The following SPOCK3 variants were observed in gnomAD, a reference collection of about 807,000 sequenced individuals.
SPOCK3 encodes SPARC (osteonectin), cwcv and kazal like domains proteoglycan 3, also known as testican-3.
Under a neutral mutation model 56.6 loss-of-function variants are expected in SPOCK3, and 30 were observed. The ratio of observed to expected loss-of-function variants is 0.53; its 90% CI spans 0.40 to 0.72. SPOCK3 has a LOEUF of 0.72. SPOCK3 is among the 30% of genes least tolerant of loss of function. The pLI is 0.00. For synonymous variants in SPOCK3, 196 were observed against 183.3 expected (o/e 1.07, Z -0.56); for missense variants, 527 against 530.0 (o/e 0.99, Z 0.06).
chr4:166,765,259 C>T lies in SPOCK3; in HGVS notation c.710-10530G>A, dbSNP rs1737843830. Among the ~76,000 whole-genome samples, 5 of 152,154 alleles carry T rather than the reference C, an allele frequency of 3.3e-5. No homozygotes were observed. In the South Asian group the frequency reaches 1.0e-3, roughly 32 times the overall value. On this transcript the variant is annotated intron_variant, in intron 7 of 10. Coordinates refer to ENST00000357545, the MANE Select transcript of SPOCK3 (RefSeq NM_001040159.2). ...TGGTGTTTTAGACATGAAGTCCTTG[C>T]CCATGCCTATGTCCTGAATGGTATT... is the stretch of plus-strand genomic sequence containing the variant.
chr4:167,063,728 T>C (rs1177074200), intron 2 of SPOCK3, among the ~76,000 whole-genome samples: 1 of 151,894 alleles, frequency 6.6e-6, no homozygotes, highest in Non-Finnish European at 1.5e-5. Context: ...TCTATGTCAA[T>C]GTGTACACAT....
intron 2 of SPOCK3, among the ~76,000 whole-genome samples, chr4:167,133,503 A>G (rs1284970776): frequency 2.0e-5 from 3 of 152,234 alleles, no homozygotes; most frequent in Non-Finnish European, 4.4e-5. Flanking sequence ...TGCACTGTCC[A>G]GCATTCTTTT....
intron 6 of SPOCK3, among the ~76,000 whole-genome samples, chr4:166,807,110 A>C (rs1469700999): frequency 2.6e-5 from 4 of 152,074 alleles, no homozygotes; most frequent in Admixed American, 2.6e-4. Context: ...CTTTATAGTT[A>C]TATCAGATAA....
intron 2 of SPOCK3, among the ~76,000 whole-genome samples, chr4:167,132,152 G>T (rs982995776): frequency 6.6e-6 from 1 of 152,128 alleles, no homozygotes; most frequent in African/African-American, 2.4e-5. Flanking sequence ...TAGGATAAAT[G>T]ATGTCATATC....
At chr4:167,202,773 T>A (rs1476055235) in intron 2 of SPOCK3, among the ~76,000 whole-genome samples, 2 of 151,394 alleles carry the variant, frequency 1.3e-5, no homozygotes, top group African/African-American at 4.8e-5. Context: ...AAAAAAACTA[T>A]GGAGATTGCT....
At chr4:167,154,487 G>T (rs934001624) in intron 2 of SPOCK3, among the ~76,000 whole-genome samples, 1 of 152,078 alleles carries the variant, frequency 6.6e-6, no homozygotes, top group Non-Finnish European at 1.5e-5. Context: ...ATAGCTGGCT[G>T]CAATGCTAAA....
At chr4:166,768,390 G>GA (rs753144778) in intron 7 of SPOCK3, among the ~76,000 whole-genome samples, 1 of 152,136 alleles carries the variant, frequency 6.6e-6, no homozygotes, top group African/African-American at 2.4e-5. Flanking sequence ...CTGGTGGTGA[G>GA]AAAATCCCTC....
chr4:167,192,035 G>T (rs1475881315), intron 2 of SPOCK3, among the ~76,000 whole-genome samples: 3 of 145,398 alleles, frequency 2.1e-5, no homozygotes, highest in Non-Finnish European at 4.5e-5. Context: ...TTATTGAGAT[G>T]ATCATTTGAT....
At chr4:166,740,399 A>G (rs1734704591) in intron 9 of SPOCK3, among the ~76,000 whole-genome samples, 1 of 151,848 alleles carries the variant, frequency 6.6e-6, no homozygotes, top group Non-Finnish European at 1.5e-5. Context: ...TACTAATAGA[A>G]TTTAAGTAGA....
chr4:166,856,228 C>T (rs963060581), intron 6 of SPOCK3, among the ~76,000 whole-genome samples: 1 of 151,474 alleles, frequency 6.6e-6, no homozygotes, highest in African/African-American at 2.4e-5. Flanking sequence ...GGCCAATGGG[C>T]ACAAAGTTTC....
chr4:166,743,906 A>AG (rs1048259022), intron 8 of SPOCK3, among the ~76,000 whole-genome samples: 2 of 152,060 alleles, frequency 1.3e-5, no homozygotes, highest in African/African-American at 4.8e-5. Flanking sequence ...AGACTGGGGG[A>AG]GGGGGGTCCA....
At chr4:166,864,065 T>A (rs543367039) in intron 6 of SPOCK3, among the ~76,000 whole-genome samples, 16 of 151,724 alleles carry the variant, frequency 1.1e-4, no homozygotes, top group Non-Finnish European at 1.9e-4. Context: ...TGCAAAAGAA[T>A]GGAAATTGTA....
chr4:167,234,756 G>A (rs1737554526), upstream of SPOCK3: 1 of 158,684 alleles, frequency 6.3e-6, no homozygotes, highest in South Asian at 1.9e-4. Context: ...GGAGCCAGAG[G>A]ACGAGGTAGC....
intron 2 of SPOCK3, among the ~76,000 whole-genome samples, chr4:167,095,369 A>G (rs1307417803): frequency 6.6e-6 from 1 of 152,112 alleles, no homozygotes; most frequent in Non-Finnish European, 1.5e-5. Context: ...GTCATCAAAG[A>G]TAATTCTAAA....
intron 2 of SPOCK3, among the ~76,000 whole-genome samples, chr4:167,077,756 G>T (rs1047952632): frequency 6.6e-6 from 1 of 151,408 alleles, no homozygotes; most frequent in Non-Finnish European, 1.5e-5. Flanking sequence ...TATTACTATT[G>T]GTAACCATTG....
chr4:166,862,123 T>C (rs552899313), intron 6 of SPOCK3, among the ~76,000 whole-genome samples: 151 of 152,254 alleles, frequency 9.9e-4, no homozygotes, highest in African/African-American at 3.4e-3. Context: ...CTTAAGTGTG[T>C]ATAAATTCAG....
At chr4:166,763,522 CT>C (rs1181875505) in intron 7 of SPOCK3, among the ~76,000 whole-genome samples, 1 of 151,892 alleles carries the variant, frequency 6.6e-6, no homozygotes, top group Admixed American at 6.6e-5. Flanking sequence ...ACATAGAAAA[CT>C]TTTTTCCTTT....
chr4:166,754,928 A>G (rs561294915), intron 7 of SPOCK3, among the ~76,000 whole-genome samples, 199 bp from the exon 8 acceptor site: 3 of 152,046 alleles, frequency 2.0e-5, no homozygotes, highest in Non-Finnish European at 4.4e-5. Context: ...TAGTTGTGAG[A>G]ATTAATTAAC....
chr4:166,758,731 G>A (rs377358682), intron 7 of SPOCK3, among the ~76,000 whole-genome samples: 1 of 5,256 alleles, frequency 1.9e-4, no homozygotes. Flanking sequence ...TCTCTGGGAC[G>A]CATTCAAAGC....
Sources: allele counts gnomAD v4.1 joint callset (sites outside exome capture counted in the v4.1 genomes callset), GRCh38; gene constraint gnomAD v4.1.1; transcripts MANE v1.5; gene names NCBI Gene and HGNC (gene_info 2026-07-23, HGNC 2026-07-21).